The following CHD6 variants were observed in gnomAD, a reference collection of about 807,000 sequenced individuals.
CHD6 encodes ATP-dependent chromatin remodeler CHD6.
A neutral mutation model predicts 276.9 loss-of-function variants in CHD6; 50 were observed. That is an observed-to-expected ratio of 0.18 (90% CI 0.14 to 0.23). CHD6 has a LOEUF of 0.23. CHD6 is among the 10% of genes least tolerant of loss of function. The pLI is 1.00. For synonymous variants in CHD6, 1,173 were observed against 1,229.3 expected (o/e 0.95, Z 0.96); for missense variants, 2,564 against 3,365.8 (o/e 0.76, Z 5.89).
In CHD6 at chr20:41,513,006, A is replaced by G; in HGVS notation, c.703-11T>C. 6.2e-7 allele frequency: 1 copy of G among 1,613,958 alleles called. No individual in the cohort carries two copies. The highest frequency in any genetic ancestry group is 8.5e-7 in the Non-Finnish European group (1 of 1,179,882). ...TCCCGAGCGTCGTTTCTGTAGGGCAAACACACCCGTCAGAGAAGCTCTCTG... is the reference window on the plus strand; with the variant it reads ...TCCCGAGCGTCGTTTCTGTAGGGCAGACACACCCGTCAGAGAAGCTCTCTG... On this transcript the variant is annotated splice_polypyrimidine_tract_variant and intron_variant, in intron 4 of 36. Transcript: ENST00000373233.
chr20:41,550,090 T>C (rs1004195404), intron 2 of CHD6, among the ~76,000 whole-genome samples: 1 of 152,216 alleles, frequency 6.6e-6, no homozygotes, highest in African/African-American at 2.4e-5. Context: ...TGTGAGCCAC[T>C]GCATCCAGCC....
chr20:41,403,026 G>C lies in CHD6; in HGVS notation c.*1567C>G. 4.7e-6 allele frequency: 1 copy of C among 212,732 alleles called. No homozygotes were observed. 13.2% of individuals were successfully genotyped at this position (212,732 alleles called of 1,614,324 possible). On this transcript the variant is annotated 3_prime_UTR_variant, in exon 37 of 37. Coordinates refer to ENST00000373233, the MANE Select transcript of CHD6 (RefSeq NM_032221.5). ...CAGTCATGATTTAACAGACTTCTTT[G>C]AGATGCTCATTTTAACATTTACATA...
At chr20:41,426,733 A>T (rs1432011072) in intron 27 of CHD6, among the ~76,000 whole-genome samples, 1 of 152,210 alleles carries the variant, frequency 6.6e-6, no homozygotes, top group Non-Finnish European at 1.5e-5. Context: ...GAGTAATATC[A>T]CAAGCACTGA....
intron 3 of CHD6, among the ~76,000 whole-genome samples, chr20:41,526,735 G>GT (rs2044547634): frequency 3.9e-5 from 6 of 152,158 alleles, no homozygotes; most frequent in African/African-American, 1.4e-4. Context: ...TCCTCTTTTT[G>GT]CTTTTTCATT....
At chr20:41,564,132 A>T (rs1448543988) in intron 1 of CHD6, 1 of 769,632 alleles carries the variant, frequency 1.3e-6, no homozygotes, top group South Asian at 1.4e-5. Flanking sequence ...AAAGCCAATC[A>T]TATGAGACTG....
chr20:41,403,728 G>A lies in CHD6; in HGVS notation c.*865C>T. 9.5e-7 allele frequency: 1 copy of A among 1,057,102 alleles called. No homozygotes were observed. Among genetic ancestry groups the A allele is most frequent in the Non-Finnish European group, 1.1e-6 (1 of 874,156 alleles). The allele number at this position is 1,057,102 out of a possible 1,614,324, so 65.5% of individuals were successfully genotyped here. ...CCTGGTGCTCTTTAAACACAGAGAG[G>A]CAAATTAATGGCTAGAGAAATCTGT... On this transcript the variant is annotated 3_prime_UTR_variant, in exon 37 of 37. Transcript: ENST00000373233.
intron 2 of CHD6, among the ~76,000 whole-genome samples, chr20:41,537,169 C>T (rs2044850233): frequency 6.6e-6 from 1 of 152,048 alleles, no homozygotes; most frequent in Non-Finnish European, 1.5e-5. Flanking sequence ...AACTTTAATA[C>T]ACTTATCAAA....
At chr20:41,504,500 C>G (rs1029167921) in intron 5 of CHD6, among the ~76,000 whole-genome samples, 2 of 150,112 alleles carry the variant, frequency 1.3e-5, no homozygotes, top group Non-Finnish European at 3.0e-5. Flanking sequence ...ACCTCCACTT[C>G]CCAGGCTCAA....
Position 41,452,718 on chromosome 20 carries a change from A to G in CHD6, c.3323+22T>C, listed in dbSNP as rs1443040452. 1 of 1,604,590 alleles carries G rather than the reference A, an allele frequency of 6.2e-7. No individual in the cohort carries two copies. Among genetic ancestry groups the G allele is most frequent in the South Asian group, 1.1e-5 (1 of 90,498 alleles). On this transcript the variant is annotated intron_variant, in intron 21 of 36. Transcript: ENST00000373233. The surrounding 1 kb of genome is among the most constrained non-coding windows in gnomAD (Gnocchi z 4.2). Reference sequence around the variant, plus strand: ...GGGAACAAACAACAATAACAACAAAACTAAGCAGAGCCAATACCCACCCAA... The same window carrying G: ...GGGAACAAACAACAATAACAACAAAGCTAAGCAGAGCCAATACCCACCCAA...
At chr20:41,478,148 TC>T (rs1365585373) in intron 16 of CHD6, among the ~76,000 whole-genome samples, 2 of 152,042 alleles carry the variant, frequency 1.3e-5, no homozygotes, top group African/African-American at 4.8e-5. Context: ...TGCACAGTGC[TC>T]CCATATGGAA....
intron 2 of CHD6, 25 bp downstream of exon 2, chr20:41,551,280 A>G: frequency 3.5e-6 from 5 of 1,446,062 alleles, no homozygotes; most frequent in Non-Finnish European, 4.8e-6. Context: ...GGATGCATTC[A>G]CTTAAAAGAA....
intron 1 of CHD6, among the ~76,000 whole-genome samples, chr20:41,597,355 C>T (rs2045728106): frequency 6.6e-6 from 1 of 152,124 alleles, no homozygotes; most frequent in South Asian, 2.1e-4. Context: ...CACTACGGAC[C>T]TCCCGACATT....
intron 19 of CHD6, 133 bp downstream of exon 19, chr20:41,455,667 C>CA: frequency 1.6e-6 from 1 of 616,800 alleles, no homozygotes; most frequent in Non-Finnish European, 2.8e-6. Flanking sequence ...TTTAGATAGT[C>CA]ACGCAGACTA....
chr20:41,524,942 T>C (rs911941612), intron 3 of CHD6, among the ~76,000 whole-genome samples: 1 of 152,240 alleles, frequency 6.6e-6, no homozygotes, highest in Admixed American at 6.5e-5. Flanking sequence ...ATGACAGTTG[T>C]TCTTTTCTTT....
chr20:41,482,417 T>A (rs1263190473), intron 16 of CHD6: 1 of 349,570 alleles, frequency 2.9e-6, no homozygotes, highest in East Asian at 8.4e-5. Flanking sequence ...AGCATACCCA[T>A]AGTTTAATTT....
chr20:41,612,884 T>G (rs2045901137), intron 1 of CHD6, among the ~76,000 whole-genome samples: 1 of 152,194 alleles, frequency 6.6e-6, no homozygotes, highest in Non-Finnish European at 1.5e-5. Flanking sequence ...CTGATTTTTC[T>G]TCTATTCAAC....
intron 2 of CHD6, among the ~76,000 whole-genome samples, chr20:41,544,510 T>TTA (rs1342466145): frequency 2.6e-5 from 4 of 152,120 alleles, no homozygotes; most frequent in African/African-American, 9.7e-5. Context: ...GATTTTAAAA[T>TTA]TAGCAGCTTA....
At chr20:41,453,029 G>T in intron 20 of CHD6, 87 bp from the exon 21 acceptor site, 1 of 1,074,108 alleles carries the variant, frequency 9.3e-7, no homozygotes. Flanking sequence ...GACACATTTG[G>T]GATAGAACCA....
rs964513092 is a variant in CHD6, at chr20:41,558,696, T to C, written c.-23-7336A>G. Among the ~76,000 whole-genome samples the C allele has an allele frequency of 3.9e-5, 6 of 152,094 alleles. No homozygotes were observed. The East Asian group carries it at 9.6e-4, about 24-fold the overall frequency. On this transcript the variant is annotated intron_variant, in intron 1 of 36. Transcript: ENST00000373233. ...GGACAAGTAACCTTTCCATCTGTAT[T>C]TGAGATCCACCCTCTCTCCCCCTTC...
Sources: gnomAD v4.1 joint callset for allele counts (sites outside exome capture counted in the v4.1 genomes callset) on GRCh38, gnomAD v4.1.1 for gene constraint, Gnocchi (gnomAD v3.1) non-coding constraint, MANE v1.5 for transcripts, NCBI Gene and HGNC (gene_info 2026-07-23, HGNC 2026-07-21) for gene names.